The following TIAM2 variants were observed in gnomAD, a reference collection of about 807,000 sequenced individuals.
TIAM2 encodes the protein TIAM Rac1 associated GEF 2.
A neutral mutation model predicts 152.9 loss-of-function variants in TIAM2; 80 were observed. The observed-to-expected ratio is 0.52, with a 90% CI of 0.44 to 0.63. The LOEUF (loss-of-function observed/expected upper bound fraction) is 0.63, where lower values mean the gene tolerates loss of function less well. Ranked by LOEUF, TIAM2 falls within the 30% of genes least tolerant of loss-of-function variation. The pLI is 0.00. For missense variants in TIAM2, 1,965 were observed against 2,120.1 expected, an observed-to-expected ratio of 0.93 and a Z score of 1.44; for synonymous variants, 804 against 838.0, an observed-to-expected ratio of 0.96 and a Z score of 0.70.
chr6:155,013,612 T>C (rs2114850983), intron 1 of TIAM2: 1 of 152,232 alleles, frequency 6.6e-6, no homozygotes, highest in South Asian at 2.1e-4. Context: ...CTCCCAACTC[T>C]TTCTAGGGAG....
chr6:155,032,666 A>C (rs1248696630), intron 1 of TIAM2, among the ~76,000 whole-genome samples: 1 of 151,936 alleles, frequency 6.6e-6, no homozygotes, highest in Non-Finnish European at 1.5e-5. Context: ...TCACTCTCCC[A>C]AGTAGCTGAG....
chr6:155,165,696 G>C (rs892797866), intron 9 of TIAM2, among the ~76,000 whole-genome samples: 5 of 152,248 alleles, frequency 3.3e-5, no homozygotes, highest in South Asian at 2.1e-4. Flanking sequence ...GCTGAATTGG[G>C]AAGATCGCTT....
At chr6:155,165,894 C>T (rs74495160) in intron 9 of TIAM2, among the ~76,000 whole-genome samples, 1 of 151,936 alleles carries the variant, frequency 6.6e-6, no homozygotes, top group East Asian at 1.9e-4. Context: ...TATCCCGGCA[C>T]CCCTGAAGAG....
chr6:155,040,364 G>T (rs1264345434), intron 1 of TIAM2, among the ~76,000 whole-genome samples: 1 of 152,132 alleles, frequency 6.6e-6, no homozygotes, highest in African/African-American at 2.4e-5. Context: ...ACCACTTAGT[G>T]ACCAGATGGC....
intron 15 of TIAM2, among the ~76,000 whole-genome samples, chr6:155,227,074 A>G (rs1194075802): frequency 6.6e-6 from 1 of 152,228 alleles, no homozygotes; most frequent in African/African-American, 2.4e-5. Context: ...TGGAAAGGAA[A>G]GTAGATGTTT....
intron 14 of TIAM2, among the ~76,000 whole-genome samples, chr6:155,197,498 A>G (rs1781373903): frequency 6.6e-6 from 1 of 152,192 alleles, no homozygotes; most frequent in Non-Finnish European, 1.5e-5. Flanking sequence ...GCATGTGTCC[A>G]GCCAGCAAGA....
At chr6:155,021,685 T>A (rs1234080100) in intron 1 of TIAM2, among the ~76,000 whole-genome samples, 1 of 152,192 alleles carries the variant, frequency 6.6e-6, no homozygotes, top group African/African-American at 2.4e-5. Context: ...AGTGCTAGGG[T>A]TTTTTGAACC....
intron 1 of TIAM2, among the ~76,000 whole-genome samples, chr6:155,009,277 T>C (rs934424717): frequency 6.6e-6 from 1 of 151,584 alleles, no homozygotes; most frequent in Non-Finnish European, 1.5e-5. Context: ...AGGTTTTGTA[T>C]TTTTAGTAGA....
intron 1 of TIAM2, among the ~76,000 whole-genome samples, chr6:155,006,029 G>A (rs908985918): frequency 2.0e-5 from 3 of 152,238 alleles, no homozygotes; most frequent in African/African-American, 7.2e-5. Flanking sequence ...GCCACTGACT[G>A]ACTAGTTCTT....
chr6:155,253,192 T>G lies in TIAM2; in HGVS notation c.4225+139T>G, dbSNP rs533431566. ...CAAGGAAAATGAGGACAAGAGAGGT[T>G]GTTTTGATGTTCCTTAGCAGACTTC... On this transcript the variant is annotated intron_variant, in intron 24 of 26. Coordinates refer to ENST00000682666, the MANE Select transcript of TIAM2 (RefSeq NM_012454.4). The G allele has an allele frequency of 3.5e-5, 24 of 690,442 alleles. 2 individuals carry two copies. In the East Asian group the frequency reaches 6.5e-4, roughly 19 times the overall value. 42.8% of individuals were successfully genotyped at this position (690,442 alleles called of 1,614,324 possible).
intron 1 of TIAM2, among the ~76,000 whole-genome samples, chr6:155,061,307 A>C (rs181547504): frequency 2.8e-4 from 43 of 151,960 alleles, no homozygotes; most frequent in Non-Finnish European, 5.4e-4. Context: ...ACATGAGTTC[A>C]TACTGCTATC....
At chr6:155,020,410 C>A in intron 1 of TIAM2, among the ~76,000 whole-genome samples, 1 of 152,230 alleles carries the variant, frequency 6.6e-6, no homozygotes, top group East Asian at 1.9e-4. Context: ...TTTTCACCTA[C>A]TTTAAAAAAT....
chr6:155,220,471 C>T (rs1395228212), intron 15 of TIAM2, among the ~76,000 whole-genome samples: 1 of 152,162 alleles, frequency 6.6e-6, no homozygotes, highest in Non-Finnish European at 1.5e-5. Flanking sequence ...GCCAGCCTGG[C>T]CCCACCAGTG....
Position 155,145,962 on chromosome 6 carries a change from A to G in TIAM2, c.1803+1184A>G, listed in dbSNP as rs954882627. 7.9e-5 allele frequency among the ~76,000 whole-genome samples: 12 copies of G among 152,336 alleles called. 1 individual carries two copies. The highest frequency in any genetic ancestry group is 3.9e-4 in the East Asian group (2 of 5,192). ...ATGATACTTTAAAGCAAAGTAATGAATTTATGTTAGTCTGAATTGTAAGGA... is the reference window on the plus strand; with the variant it reads ...ATGATACTTTAAAGCAAAGTAATGAGTTTATGTTAGTCTGAATTGTAAGGA... On this transcript the variant is annotated intron_variant, in intron 6 of 26. Coordinates refer to ENST00000682666, the MANE Select transcript of TIAM2 (RefSeq NM_012454.4).
chr6:154,996,130 A>G (rs1289130436), intron 1 of TIAM2, among the ~76,000 whole-genome samples: 1 of 152,172 alleles, frequency 6.6e-6, no homozygotes, highest in African/African-American at 2.4e-5. Context: ...AATGGATCCT[A>G]TTTACCAAAA....
chr6:154,999,657 C>T (rs1214835635), intron 1 of TIAM2, among the ~76,000 whole-genome samples: 1 of 152,130 alleles, frequency 6.6e-6, no homozygotes, highest in Non-Finnish European at 1.5e-5. Flanking sequence ...TCACCGGCCT[C>T]AGTTTCTTGT....
chr6:155,087,166 G>A (rs888549278), intron 1 of TIAM2, among the ~76,000 whole-genome samples: 5 of 152,174 alleles, frequency 3.3e-5, no homozygotes, highest in African/African-American at 1.2e-4. Context: ...GTTCCCTGTA[G>A]AGAACAGTAT....
rs540273855 is a variant in TIAM2 at position 155,141,232 on chromosome 6, A to AAGATGTTTTTTTCCCCAGCGT, written c.1631-3372_1631-3352dup. On this transcript the variant is annotated intron_variant, in intron 5 of 26. Transcript: ENST00000682666. ...TGCAGCCAAGGCAAGACTTGTGATA[A>AAGATGTTTTTTTCCCCAGCGT]AGATGTTTTTTTCCCCAGCGTAACC... 2.6e-3 allele frequency among the ~76,000 whole-genome samples: 397 copies of AAGATGTTTTTTTCCCCAGCGT among 152,290 alleles called. 4 individuals carry two copies. The highest frequency in any genetic ancestry group is 9.2e-3 in the African/African-American group (381 of 41,564).
intron 1 of TIAM2, among the ~76,000 whole-genome samples, chr6:155,025,582 G>C (rs1776585309): frequency 6.6e-6 from 1 of 152,024 alleles, no homozygotes; most frequent in Non-Finnish European, 1.5e-5. Flanking sequence ...GCCTCCTAAA[G>C]TGCTGGGATT....
Sources: allele counts gnomAD v4.1 joint callset (sites outside exome capture counted in the v4.1 genomes callset), GRCh38; gene constraint gnomAD v4.1.1; transcripts MANE v1.5; gene names NCBI Gene and HGNC (gene_info 2026-07-23, HGNC 2026-07-21).